RHBDD3: variants seen among roughly 807,000 people sequenced by gnomAD.
RHBDD3 encodes the protein rhomboid domain containing 3.
In RHBDD3, 34 loss-of-function variants were observed where a neutral mutation model predicts 32.3. The ratio of observed to expected loss-of-function variants is 1.05; its 90% CI spans 0.80 to 1.40. The LOEUF (loss-of-function observed/expected upper bound fraction) is 1.40, where lower values mean the gene tolerates loss of function less well. Among genes scored for constraint, RHBDD3 ranks in the 40% most tolerant of loss-of-function variants. The probability of loss-of-function intolerance (pLI) is 0.00; values close to 1 mark genes in which losing one functional copy is unlikely to be tolerated. For synonymous variants in RHBDD3, 249 were observed against 239.1 expected (o/e 1.04, Z -0.38); for missense variants, 482 against 492.6 (o/e 0.98, Z 0.20).
chr22:29,263,889 T>G lies in RHBDD3; in HGVS notation c.478A>C (p.Ser160Arg), dbSNP rs5763120. The change falls in exon 4 of 7, where the codon AGC (serine) becomes CGC (arginine). Residue 160 changes from serine (S) to arginine (R), a missense_variant. Coordinates refer to ENST00000216085, the MANE Select transcript of RHBDD3 (RefSeq NM_012265.3). The stretch of plus-strand genomic sequence containing the variant: ...AGCTGCAGGAAGGGTGGCTCAGAGC[T>G]GAGCAGTGGGGTCAGGGCAAGCAGC... ...WLLLALTPLLSSEPPFLQLLC... is the reference protein window; with the variant it reads ...WLLLALTPLLRSEPPFLQLLC... The G allele has an allele frequency of 1.3e-6, 2 of 1,549,060 alleles. No homozygotes were observed. Among genetic ancestry groups the G allele is most frequent in the East Asian group, 4.9e-5 (2 of 40,926 alleles).
At chr22:29,265,378 CCT>C in intron 3 of RHBDD3, 99 bp downstream of exon 3, 2 of 953,236 alleles carry the variant, frequency 2.1e-6, no homozygotes, top group South Asian at 4.3e-5. Context: ...GGGCCCCATC[CCT>C]GTTTGACCCC....
intron 4 of RHBDD3, 114 bp from the exon 5 acceptor site, chr22:29,260,978 T>TCCTCA (rs1001208553): frequency 4.6e-5 from 49 of 1,062,458 alleles, no homozygotes; most frequent in Admixed American, 5.9e-5. Context: ...CCCTCCCGTC[T>TCCTCA]CCTCACTGTG....
At chr22:29,263,725 C>T (rs867179481) in intron 4 of RHBDD3, 110 bp downstream of exon 4, 37 of 1,433,384 alleles carry the variant, frequency 2.6e-5, no homozygotes, top group Middle Eastern at 2.3e-4. Context: ...TGTGTGTGCA[C>T]GGCTCCTTGG....
intron 4 of RHBDD3, among the ~76,000 whole-genome samples, chr22:29,262,888 G>C (rs1029989027): frequency 6.7e-6 from 1 of 149,810 alleles, no homozygotes; most frequent in African/African-American, 2.5e-5. Context: ...TGTTTTTTGG[G>C]GTTTGAGACC....
Position 29,260,014 on chromosome 22 carries a change from GC to G in RHBDD3, c.*45del. 1 of 1,534,980 alleles carries G rather than the reference GC, an allele frequency of 6.5e-7. No homozygotes were observed. The highest frequency in any genetic ancestry group is 8.8e-7 in the Non-Finnish European group (1 of 1,138,462). ...GCTCGGGCTACCCACATGCAGCCCAGCCCTTAGCACCCAAGGGCCTGCCTGT... is the reference window on the plus strand; with the variant it reads ...GCTCGGGCTACCCACATGCAGCCCAGCCTTAGCACCCAAGGGCCTGCCTGT... On this transcript the variant is annotated 3_prime_UTR_variant, in exon 7 of 7. Coordinates refer to ENST00000216085, the MANE Select transcript of RHBDD3 (RefSeq NM_012265.3).
In RHBDD3 at chr22:29,259,981, G is replaced by C; in HGVS notation, c.*79C>G. The C allele has an allele frequency of 1.4e-6, 2 of 1,441,328 alleles. No homozygotes were observed. Among genetic ancestry groups the C allele is most frequent in the Non-Finnish European group, 1.9e-6 (2 of 1,070,350 alleles). 89.3% of individuals were successfully genotyped at this position (1,441,328 alleles called of 1,614,324 possible). ...TCCCCACTGTGGCCCTCTTTAGACA[G>C]AGTAGGAGCTCGGGCTACCCACATG... On this transcript the variant is annotated 3_prime_UTR_variant, in exon 7 of 7. Coordinates refer to ENST00000216085, the MANE Select transcript of RHBDD3 (RefSeq NM_012265.3).
In RHBDD3 at chr22:29,263,865, G is replaced by A. The variant is rs1233269493; in HGVS notation, c.502C>T (p.Leu168Phe). 1.9e-6 allele frequency: 3 copies of A among 1,543,392 alleles called. No individual in the cohort carries two copies. Among genetic ancestry groups the A allele is most frequent in the Non-Finnish European group, 2.6e-6 (3 of 1,141,904 alleles). ...AGGCCGGCAAGGAGGCCGCAAAGGA[G>A]CTGCAGGAAGGGTGGCTCAGAGCTG... ...LLSSEPPFLQ[L>F]LCGLLAGLAY... Residue 168 changes from leucine (L) to phenylalanine (F), a missense_variant, in exon 4 of 7, where the codon CTC becomes TTC. Transcript: ENST00000216085.
Position 29,260,535 on chromosome 22 carries a change from T to C in RHBDD3, c.774A>G (p.Pro258=), listed in dbSNP as rs763432687. The C allele has an allele frequency of 1.3e-6, 2 of 1,598,212 alleles. No individual in the cohort carries two copies. The highest frequency in any genetic ancestry group is 1.1e-5 in the South Asian group (1 of 88,678). ...SHWEDSALPP[P]SLRPVQPTWE... is the part of the protein sequence containing the mutation. ...AGGTGGGCTGCACAGGCCTCAGGCTTGGTGGGGGCAGGGCTGAGTCTTCCC... is the reference window on the plus strand; with the variant it reads ...AGGTGGGCTGCACAGGCCTCAGGCTCGGTGGGGGCAGGGCTGAGTCTTCCC... Residue 258 remains proline (P), a synonymous_variant, in exon 6 of 7, where the codon CCA becomes CCG. Coordinates refer to ENST00000216085, the MANE Select transcript of RHBDD3 (RefSeq NM_012265.3).
rs766829555 is a variant in RHBDD3 at position 29,264,212 on chromosome 22, C to T, written c.155G>A (p.Arg52Gln). 17 of 1,533,216 alleles carry T rather than the reference C, an allele frequency of 1.1e-5. No homozygotes were observed. Among genetic ancestry groups the T allele is most frequent in the East Asian group, 2.3e-5 (1 of 43,826 alleles). The allele number at this position is 1,533,216 out of a possible 1,614,324, so 95.0% of individuals were successfully genotyped here. Reference sequence around the variant, plus strand: ...GTGGCCCAGGGCATGGGTCAGCAGCCGGTGCACTGGGAGAGAGAAGGGGCT... The same window carrying T: ...GTGGCCCAGGGCATGGGTCAGCAGCTGGTGCACTGGGAGAGAGAAGGGGCT... ...ELLLDPWQVH[R>Q]LLTHALGHTA... is the part of the protein sequence containing the mutation. Residue 52 changes from arginine (R) to glutamine (Q), a missense_variant, in exon 4 of 7, where the codon CGG becomes CAG. Physicochemically the swap from Arg to Gln is conservative, Grantham distance 43. Coordinates refer to ENST00000216085, the MANE Select transcript of RHBDD3 (RefSeq NM_012265.3).
At chr22:29,262,175 C>T (rs1162623220) in intron 4 of RHBDD3, 2 of 117,806 alleles carry the variant, frequency 1.7e-5, no homozygotes, top group Non-Finnish European at 3.2e-5. Flanking sequence ...GAGTCTTGCT[C>T]TGTCGCCCAG....
At chr22:29,261,234 T>C in intron 4 of RHBDD3, 1 of 506,958 alleles carries the variant, frequency 2.0e-6, no homozygotes, top group Non-Finnish European at 4.0e-6. Flanking sequence ...GGATAACTCC[T>C]GTCACCAATC....
chr22:29,260,194 C>T lies in RHBDD3; in HGVS notation c.1027G>A (p.Val343Met). 1 of 1,594,000 alleles carries T rather than the reference C, an allele frequency of 6.3e-7. No individual in the cohort carries two copies. Among genetic ancestry groups the T allele is most frequent in the Non-Finnish European group, 8.5e-7 (1 of 1,170,784 alleles). ...ERMGFPTEQA[V>M]VALAATGRVE... ...CGGCCTGTGGCTGCCAGTGCCACCA[C>T]CGCCTGCTCCGTAGGGAAGCCCATG... is the stretch of plus-strand genomic sequence containing the variant. The change falls in exon 7 of 7, where the codon GTG becomes ATG. Residue 343 changes from valine (V) to methionine (M), a missense_variant. Transcript: ENST00000216085.
Position 29,260,448 on chromosome 22 carries a change from C to G in RHBDD3, c.861G>C (p.Pro287=). 1.2e-6 allele frequency: 2 copies of G among 1,611,240 alleles called. No individual in the cohort carries two copies. The highest frequency in any genetic ancestry group is 1.7e-6 in the Non-Finnish European group (2 of 1,179,418). The change falls in exon 6 of 7, where the codon CCG becomes CCC. Residue 287 remains proline (P), a synonymous_variant. Coordinates refer to ENST00000216085, the MANE Select transcript of RHBDD3 (RefSeq NM_012265.3). ...TCTGCTCATCCAAGGCCGCCCACAT[C>G]GGAGTCCCTGGGGAGAAGCTGGCCC... ...WAGASFSPGT[P]MWAALDEQML...
rs557705515 is a variant in RHBDD3, at chr22:29,267,880, C to G, written c.-327G>C. ...ACCCGGCCGCGTGACCCCTGCCGAC[C>G]GGCTGGCGCGCCACCCATTCCCCGC... On this transcript the variant is annotated 5_prime_UTR_variant, in exon 1 of 7. Transcript: ENST00000216085. 1.7e-5 allele frequency: 4 copies of G among 231,150 alleles called. No homozygotes were observed. The highest frequency in any genetic ancestry group is 1.0e-4 in the Admixed American group (2 of 19,298). 14.3% of individuals were successfully genotyped at this position (231,150 alleles called of 1,614,324 possible).
At position 29,267,452 on chromosome 22, in the gene RHBDD3, T is replaced by C. The variant is rs1369501666; in HGVS notation, c.-69A>G. On this transcript the variant is annotated 5_prime_UTR_variant, in exon 2 of 7. Transcript: ENST00000216085. ...TTACTGGGAAGCCGGGAGGGCAGAA[T>C]GGAAAGACAAGGACGGAGATTCTTC... is the stretch of plus-strand genomic sequence containing the variant. 3.3e-5 allele frequency: 5 copies of C among 152,858 alleles called. No individual in the cohort carries two copies. In the East Asian group the frequency reaches 9.6e-4, roughly 29 times the overall value. 9.5% of individuals were successfully genotyped at this position (152,858 alleles called of 1,614,324 possible). A position where few individuals can be genotyped will look rare whatever the true frequency, so the allele number is the denominator to read the frequency against.
intron 2 of RHBDD3, among the ~76,000 whole-genome samples, chr22:29,266,353 G>C (rs1305611042): frequency 6.6e-6 from 1 of 152,128 alleles, no homozygotes; most frequent in Non-Finnish European, 1.5e-5. Context: ...TTTTACAGAT[G>C]AGCCTCATTT....
intron 6 of RHBDD3, 33 bp from the exon 7 acceptor site, chr22:29,260,270 C>G (rs1479018232): frequency 1.2e-6 from 2 of 1,604,402 alleles, no homozygotes; most frequent in Non-Finnish European, 8.5e-7. Flanking sequence ...TGGGGAGTGT[C>G]AGGGCCACCC....
Position 29,265,561 on chromosome 22 carries a change from C to T in RHBDD3, c.66G>A (p.Met22Ile). 6.3e-7 allele frequency: 1 copy of T among 1,590,174 alleles called. No individual in the cohort carries two copies. Among genetic ancestry groups the T allele is most frequent in the Non-Finnish European group, 8.5e-7 (1 of 1,171,430 alleles). ...PALPLASSVL[M>I]LLMSTLWLVG... is the part of the protein sequence containing the mutation. The stretch of plus-strand genomic sequence containing the variant: ...CCAGCCACAGGGTGCTCATCAGCAG[C>T]ATCAGGACTGAGGAGGCCAGAGGCA... Residue 22 changes from methionine (M) to isoleucine (I), a missense_variant, in exon 3 of 7, where the codon ATG becomes ATA. Transcript: ENST00000216085.
Position 29,260,386 on chromosome 22 carries a change from C to A in RHBDD3, c.923G>T (p.Gly308Val), listed in dbSNP as rs1342598524. The A allele has an allele frequency of 5.6e-6, 9 of 1,612,506 alleles. No individual in the cohort carries two copies. The South Asian group carries it at 9.9e-5, about 18-fold the overall frequency. Residue 308 changes from glycine (G) to valine (V), a missense_variant, in exon 6 of 7, where the codon GGG (glycine) becomes GTG (valine). Coordinates refer to ENST00000216085, the MANE Select transcript of RHBDD3 (RefSeq NM_012265.3). Reference sequence around the variant, plus strand: ...TGCGCTCTGGGGTTCCTGGGCTGGCCCGTCAAGAAGCGAGGCCTGGATGCC... The same window carrying A: ...TGCGCTCTGGGGTTCCTGGGCTGGCACGTCAAGAAGCGAGGCCTGGATGCC... ...QEGIQASLLD[G>V]PAQEPQSAPW... is the part of the protein sequence containing the mutation.
Sources: allele counts gnomAD v4.1 joint callset (sites outside exome capture counted in the v4.1 genomes callset), GRCh38; gene constraint gnomAD v4.1.1; transcripts MANE v1.5; gene names NCBI Gene and HGNC (gene_info 2026-07-23, HGNC 2026-07-21).